AK5: variants seen among roughly 807,000 people sequenced by gnomAD.
The protein encoded by AK5 is adenylate kinase 5.
AK5 carries 27 observed loss-of-function variants against 69.5 expected under a neutral mutation model. That is an observed-to-expected ratio of 0.39 (90% CI 0.29 to 0.54). AK5 has a LOEUF of 0.54. Among genes scored for constraint, AK5 ranks in the 20% least tolerant of loss-of-function variants. The probability of loss-of-function intolerance (pLI) is 0.71; values close to 1 mark genes in which losing one functional copy is unlikely to be tolerated. For missense variants in AK5, 531 were observed against 700.4 expected (o/e 0.76, Z 2.73); for synonymous variants, 260 against 244.4 (o/e 1.06, Z -0.60).
chr1:77,548,635 GTC>G (rs1357906907), intron 13 of AK5, among the ~76,000 whole-genome samples: 1 of 152,220 alleles, frequency 6.6e-6, no homozygotes, highest in Non-Finnish European at 1.5e-5. Context: ...GGTTTCAACT[GTC>G]TGGGAAAATT....
At chr1:77,436,233 C>T (rs2100623270) in intron 8 of AK5, among the ~76,000 whole-genome samples, 1 of 152,146 alleles carries the variant, frequency 6.6e-6, no homozygotes, top group South Asian at 2.1e-4. Context: ...CTAAATTAGA[C>T]AAATTTTTCT....
chr1:77,518,530 G>C, intron 10 of AK5, 34 bp from the exon 11 acceptor site: 1 of 1,607,180 alleles, frequency 6.2e-7, no homozygotes, highest in East Asian at 2.2e-5. Context: ...CACCAGACTT[G>C]GAATGCATGT....
intron 5 of AK5, among the ~76,000 whole-genome samples, chr1:77,336,648 C>A (rs758979764): frequency 6.6e-6 from 1 of 152,084 alleles, no homozygotes; most frequent in African/African-American, 2.4e-5. Context: ...TGTGTACTTA[C>A]TATTGCCAGT....
At chr1:77,353,121 G>A (rs1662300487) in intron 6 of AK5, among the ~76,000 whole-genome samples, 5 of 152,036 alleles carry the variant, frequency 3.3e-5, no homozygotes, top group Middle Eastern at 6.8e-3. Context: ...CCAGTGCAGC[G>A]CCAACTGATT....
chr1:77,457,793 A>G (rs1474257117), intron 8 of AK5, among the ~76,000 whole-genome samples: 2 of 152,130 alleles, frequency 1.3e-5, no homozygotes, highest in Non-Finnish European at 2.9e-5. Context: ...GGGCCACTGG[A>G]GTAGGAGGCT....
At chr1:77,530,734 G>C (rs1407292642) in intron 12 of AK5, among the ~76,000 whole-genome samples, 2 of 152,138 alleles carry the variant, frequency 1.3e-5, no homozygotes, top group Non-Finnish European at 2.9e-5. Flanking sequence ...TGAGGAAACT[G>C]AGGCATACAC....
At chr1:77,337,241 T>A (rs932008225) in intron 5 of AK5, among the ~76,000 whole-genome samples, 6 of 152,184 alleles carry the variant, frequency 3.9e-5, no homozygotes, top group African/African-American at 1.2e-4. Flanking sequence ...TGATTGTAAT[T>A]GTTGTAGTAA....
At chr1:77,555,170 C>T (rs142125479) in intron 13 of AK5, among the ~76,000 whole-genome samples, 4,979 of 152,060 alleles carry the variant, frequency 0.033, 143 homozygotes, top group African/African-American at 0.076. Flanking sequence ...CCCAGCTACT[C>T]GGGAGGCTGA....
rs145042339 is a variant in AK5 at position 77,282,703 on chromosome 1, G to C, written c.60+330G>C. On this transcript the variant is annotated intron_variant, in intron 1 of 13. Coordinates refer to ENST00000354567, the MANE Select transcript of AK5 (RefSeq NM_174858.3). ...ACCGCGGCCGGGCCGCACTCTCTGG[G>C]GGCGAGGGCCAGGTCAGGTGGCTGC... is the stretch of plus-strand genomic sequence containing the variant. The C allele has an allele frequency of 5.9e-4, 645 of 1,097,966 alleles. 1 individual carries two copies. Among genetic ancestry groups the C allele is most frequent in the Non-Finnish European group, 6.5e-4 (586 of 902,094 alleles). 68.0% of individuals were successfully genotyped at this position (1,097,966 alleles called of 1,614,324 possible).
At position 77,514,938 on chromosome 1, in the gene AK5, G is replaced by A. The variant is rs188174409; in HGVS notation, c.1148-3626G>A. On this transcript the variant is annotated intron_variant, in intron 10 of 13. Transcript: ENST00000354567. Reference sequence around the variant, plus strand: ...AAATCCAGCCACAGAAGCCCTGATGGCCTTTTCAGGAGCTCAGCCACTTGC... The same window carrying A: ...AAATCCAGCCACAGAAGCCCTGATGACCTTTTCAGGAGCTCAGCCACTTGC... 3.6e-3 allele frequency among the ~76,000 whole-genome samples: 551 copies of A among 152,272 alleles called. 5 individuals carry two copies. Among genetic ancestry groups the A allele is most frequent in the African/African-American group, 0.013 (527 of 41,554 alleles).
At chr1:77,484,622 T>A (rs974463473) in intron 9 of AK5, among the ~76,000 whole-genome samples, 1 of 152,304 alleles carries the variant, frequency 6.6e-6, no homozygotes, top group South Asian at 2.1e-4. Context: ...GGATGACTGA[T>A]TGCCTAAGAA....
chr1:77,535,185 G>T (rs763614710), intron 12 of AK5, among the ~76,000 whole-genome samples: 1 of 152,156 alleles, frequency 6.6e-6, no homozygotes, highest in Non-Finnish European at 1.5e-5. Flanking sequence ...TTGTGACCTA[G>T]ACTCTAAAAG....
intron 13 of AK5, among the ~76,000 whole-genome samples, chr1:77,546,252 C>CA (rs1659539719): frequency 6.6e-6 from 1 of 152,106 alleles, no homozygotes. Flanking sequence ...TGCCTTTGCC[C>CA]ATGTTAGGGC....
intron 8 of AK5, among the ~76,000 whole-genome samples, chr1:77,444,195 GTA>G (rs34198954): frequency 0.015 from 1,597 of 108,122 alleles, 35 homozygotes; most frequent in African/African-American, 0.045. Context: ...CAGATAAGTG[GTA>G]TATATATATA....
intron 5 of AK5, among the ~76,000 whole-genome samples, chr1:77,332,231 G>T (rs185149525): frequency 6.6e-6 from 1 of 151,288 alleles, no homozygotes; most frequent in African/African-American, 2.4e-5. Context: ...AATATTATTC[G>T]TGCCTTTCCT....
intron 5 of AK5, among the ~76,000 whole-genome samples, chr1:77,336,691 T>A (rs2815327): frequency 6.6e-6 from 1 of 152,076 alleles, no homozygotes; most frequent in Non-Finnish European, 1.5e-5. Flanking sequence ...TTCTTATTGC[T>A]CATTAACTAA....
chr1:77,343,223 C>T (rs970716863), intron 6 of AK5, among the ~76,000 whole-genome samples: 2 of 152,126 alleles, frequency 1.3e-5, no homozygotes, highest in Admixed American at 6.6e-5. Context: ...TAGACTGTCT[C>T]CACACTCCAA....
At chr1:77,297,771 T>C (rs1659096035) in intron 4 of AK5, 43 bp downstream of exon 4, 1 of 1,605,280 alleles carries the variant, frequency 6.2e-7, no homozygotes, top group African/African-American at 1.3e-5. Flanking sequence ...AATGTTTTCA[T>C]ACCGATTGAG....
intron 8 of AK5, among the ~76,000 whole-genome samples, chr1:77,444,695 A>AAAT (rs1262524649): frequency 1.5e-5 from 2 of 137,494 alleles, no homozygotes; most frequent in African/African-American, 5.4e-5. Context: ...TACATAGTAT[A>AAAT]AATATTTATA....
Sources: allele counts gnomAD v4.1 joint callset (sites outside exome capture counted in the v4.1 genomes callset), GRCh38; gene constraint gnomAD v4.1.1; transcripts MANE v1.5; gene names NCBI Gene and HGNC (gene_info 2026-07-23, HGNC 2026-07-21).